Variants in SLC12A5 observed in about 807,000 individuals in gnomAD.
The protein encoded by SLC12A5 is solute carrier family 12 member 5.
Under a neutral mutation model 124.0 loss-of-function variants are expected in SLC12A5, and 18 were observed. That is an observed-to-expected ratio of 0.15 (90% CI 0.10 to 0.22). The LOEUF (loss-of-function observed/expected upper bound fraction) is 0.22. Among genes scored for constraint, SLC12A5 ranks in the 10% least tolerant of loss-of-function variants. SLC12A5 has a pLI of 1.00. For synonymous variants in SLC12A5, 589 were observed against 568.0 expected, an observed-to-expected ratio of 1.04 and a Z score of -0.53; for missense variants, 867 against 1,478.7, an observed-to-expected ratio of 0.59 and a Z score of 6.78.
intron 1 of SLC12A5, among the ~76,000 whole-genome samples, chr20:46,031,389 C>A (rs1329040684): frequency 1.3e-5 from 2 of 152,100 alleles, no homozygotes; most frequent in Admixed American, 6.5e-5. Flanking sequence ...GAGAAGTCCC[C>A]CCTCCTCCAA....
chr20:46,056,782 G>A lies in SLC12A5; in HGVS notation c.3111-115G>A. 3 of 1,269,828 alleles carry A rather than the reference G, an allele frequency of 2.4e-6. No individual in the cohort carries two copies. The highest frequency in any genetic ancestry group is 1.7e-5 in the Admixed American group (1 of 58,544). The allele number at this position is 1,269,828 out of a possible 1,614,324, so 78.7% of individuals were successfully genotyped here. On this transcript the variant is annotated intron_variant, in intron 23 of 25. Transcript: ENST00000243964. The surrounding 1 kb of genome is among the most constrained non-coding windows in gnomAD (Gnocchi z 4.3). ...GCAGCGGAAAGGTGAAGGGTGTGGG[G>A]GCTGGCAGAGCAGGACTCAGGGCAG...
intron 8 of SLC12A5, 105 bp downstream of exon 8, chr20:46,041,645 GC>G (rs2084548979): frequency 8.4e-7 from 1 of 1,197,284 alleles, no homozygotes; most frequent in African/African-American, 1.5e-5. Context: ...AATTCAATCA[GC>G]TTTAATTGAG....
chr20:46,023,296 A>C (rs1259716394), intron 2 of SLC12A5: 1 of 398,410 alleles, frequency 2.5e-6, no homozygotes, highest in Non-Finnish European at 4.4e-6. Context: ...TTCATGAATG[A>C]CCTTACCAGC....
At position 46,056,241 on chromosome 20, in the gene SLC12A5, C is replaced by G. The variant is rs775224780; in HGVS notation, c.2879C>G (p.Ala960Gly). The G allele has an allele frequency of 8.1e-6, 13 of 1,614,044 alleles. No individual in the cohort carries two copies. Among genetic ancestry groups the G allele is most frequent in the Middle Eastern group, 1.6e-4 (1 of 6,082 alleles). Residue 960 changes from alanine to glycine, a missense_variant, in exon 22 of 26, where the codon GCT becomes GGT. Physicochemically the swap from Ala to Gly is moderately conservative, Grantham distance 60. Coordinates refer to ENST00000243964, the MANE Select transcript of SLC12A5 (RefSeq NM_020708.5). This position sits in a 1 kb window ranked among gnomAD's most constrained non-coding sequence, Gnocchi z 4.3. Reference protein sequence around the residue: ...RLRLNVPEETAGDSEEKPEEE... With the variant: ...RLRLNVPEETGGDSEEKPEEE... ...CGCCTGAACGTCCCAGAAGAGACGGCTGGTGACAGTGAAGAGAAGCCAGAG... is the reference window on the plus strand; with the variant it reads ...CGCCTGAACGTCCCAGAAGAGACGGGTGGTGACAGTGAAGAGAAGCCAGAG...
chr20:46,022,975 GA>G lies in SLC12A5; in HGVS notation c.96del (p.Arg33GlufsTer45), dbSNP rs1212274007. On this transcript the variant is annotated frameshift_variant, in exon 2 of 3. Coordinates refer to the SLC12A5 transcript ENST00000413737. LOFTEE classifies it high-confidence loss of function. Reference sequence around the variant, plus strand: ...GGAGGAGGAGGAGGAGGAGGAGGAGGAAGAGGAGGAGGAGGAAGAGGAGGAG... The same window carrying G: ...GGAGGAGGAGGAGGAGGAGGAGGAGGAGAGGAGGAGGAGGAAGAGGAGGAG... The G allele has an allele frequency of 0.014, 5,071 of 364,080 alleles. 57 individuals carry two copies. The highest frequency in any genetic ancestry group is 0.082 in the Admixed American group (1,632 of 19,900). 22.6% of individuals were successfully genotyped at this position (364,080 alleles called of 1,614,324 possible). A position where few individuals can be genotyped will look rare whatever the true frequency, so the allele number is the denominator to read the frequency against.
chr20:46,035,673 T>C (rs752678522), intron 3 of SLC12A5, 104 bp from the exon 4 acceptor site: 85 of 1,500,370 alleles, frequency 5.7e-5, no homozygotes, highest in Non-Finnish European at 6.8e-5. Flanking sequence ...GGGTTGAGAA[T>C]AGAGAGAAGA....
intron 6 of SLC12A5, among the ~76,000 whole-genome samples, chr20:46,038,682 C>T (rs2084518965): frequency 6.6e-6 from 1 of 152,152 alleles, no homozygotes; most frequent in Admixed American, 6.5e-5. Flanking sequence ...ATGGTAGGTC[C>T]AGACTCACAA....
chr20:46,036,854 C>T, intron 5 of SLC12A5, 59 bp downstream of exon 5: 3 of 1,599,594 alleles, frequency 1.9e-6, no homozygotes, highest in Non-Finnish European at 2.6e-6. Flanking sequence ...GGGATAGTGC[C>T]CTGGGCTTTG....
intron 7 of SLC12A5, 65 bp downstream of exon 7, chr20:46,040,679 T>C: frequency 6.3e-7 from 1 of 1,581,122 alleles, no homozygotes. Context: ...TTTCAGAGTC[T>C]CTGCCAAACT....
chr20:46,031,647 C>G (rs796166466), intron 1 of SLC12A5, among the ~76,000 whole-genome samples: 7 of 152,338 alleles, frequency 4.6e-5, no homozygotes, highest in African/African-American at 1.7e-4. Flanking sequence ...CCTCTCGGAC[C>G]TGGCCTAGGG....
At position 46,045,810 on chromosome 20, in the gene SLC12A5, C is replaced by T. The variant is rs189325484; in HGVS notation, c.1570-68C>T. On this transcript the variant is annotated intron_variant, in intron 12 of 25. Transcript: ENST00000243964. This position sits in a 1 kb window ranked among gnomAD's most constrained non-coding sequence, Gnocchi z 4.9. ...ATTCCTGCCTCTACTCCACTGGTTC[C>T]CGAGGCTAGGGGAGAGGGCTGAGAA... 7 of 1,324,014 alleles carry T rather than the reference C, an allele frequency of 5.3e-6. No individual in the cohort carries two copies. The East Asian group carries it at 1.6e-4, about 31-fold the overall frequency. 82.0% of individuals were successfully genotyped at this position (1,324,014 alleles called of 1,614,324 possible).
intron 14 of SLC12A5, among the ~76,000 whole-genome samples, 175 bp downstream of exon 14, chr20:46,046,611 C>T (rs1464858602): frequency 6.6e-6 from 1 of 152,196 alleles, no homozygotes; most frequent in Non-Finnish European, 1.5e-5. Context: ...AGAGGGTCTC[C>T]TAACAATCAT....
In SLC12A5 at chr20:46,045,274, C is replaced by G; in HGVS notation, c.1569+134C>G. On this transcript the variant is annotated intron_variant, in intron 12 of 25. Coordinates refer to ENST00000243964, the MANE Select transcript of SLC12A5 (RefSeq NM_020708.5). The surrounding 1 kb of genome is among the most constrained non-coding windows in gnomAD (Gnocchi z 4.9). ...CCACTTCTGCTCTGTACTGCACTGGCCAGGCCTATCTGGCAGGGTCTGAGG... is the reference window on the plus strand; with the variant it reads ...CCACTTCTGCTCTGTACTGCACTGGGCAGGCCTATCTGGCAGGGTCTGAGG... The G allele has an allele frequency of 9.3e-7, 1 of 1,077,120 alleles. No individual in the cohort carries two copies. Among genetic ancestry groups the G allele is most frequent in the South Asian group, 1.8e-5 (1 of 56,690 alleles). 66.7% of individuals were successfully genotyped at this position (1,077,120 alleles called of 1,614,324 possible).
intron 9 of SLC12A5, 70 bp from the exon 10 acceptor site, chr20:46,043,563 G>A: frequency 6.7e-7 from 1 of 1,497,428 alleles, no homozygotes; most frequent in Non-Finnish European, 9.3e-7. Flanking sequence ...TGAGGGTGGT[G>A]CCCTTTTTTC....
At chr20:46,027,019 A>G (rs543798937), upstream of SLC12A5, among the ~76,000 whole-genome samples, 2 of 152,350 alleles carry the variant, frequency 1.3e-5, no homozygotes, top group East Asian at 3.9e-4. Context: ...CATCTCCTTC[A>G]TTCTACAGCA....
chr20:46,056,762 G>A lies in SLC12A5; in HGVS notation c.3111-135G>A, dbSNP rs746041755. On this transcript the variant is annotated intron_variant, in intron 23 of 25. Transcript: ENST00000243964. The surrounding 1 kb of genome is among the most constrained non-coding windows in gnomAD (Gnocchi z 4.3). ...CTCAGAATTCCCAGTTGCAGGCAGC[G>A]GAAAGGTGAAGGGTGTGGGGGCTGG... The A allele has an allele frequency of 5.1e-5, 60 of 1,182,266 alleles. No individual in the cohort carries two copies. The highest frequency in any genetic ancestry group is 2.1e-4 in the African/African-American group (14 of 66,096). The allele number at this position is 1,182,266 out of a possible 1,614,324, so 73.2% of individuals were successfully genotyped here.
rs374783489 is a variant in SLC12A5 at position 46,053,139 on chromosome 20, C to T, written c.2547+13C>T. 409 of 1,603,854 alleles carry T rather than the reference C, an allele frequency of 2.6e-4. No individual in the cohort carries two copies. The highest frequency in any genetic ancestry group is 3.1e-4 in the Non-Finnish European group (363 of 1,171,622). ...GCGGCACCACAAGGTGAGTTGTGTG[C>T]GTGAGTGTATGCACGTGTGAGTGTG... On this transcript the variant is annotated intron_variant, in intron 19 of 25. Coordinates refer to ENST00000243964, the MANE Select transcript of SLC12A5 (RefSeq NM_020708.5). This position sits in a 1 kb window ranked among gnomAD's most constrained non-coding sequence, Gnocchi z 4.7.
rs1432279521 is a variant in SLC12A5 at position 46,056,669 on chromosome 20, G to T, written c.3110+105G>T. ...AGGCATCCTGGTCTGTCAGCCTGCAGACCCAGCTCAGACATTGTCTTGGTT... is the reference window on the plus strand; with the variant it reads ...AGGCATCCTGGTCTGTCAGCCTGCATACCCAGCTCAGACATTGTCTTGGTT... On this transcript the variant is annotated intron_variant, in intron 23 of 25. Transcript: ENST00000243964. The surrounding 1 kb of genome is among the most constrained non-coding windows in gnomAD (Gnocchi z 4.3). 6.2e-6 allele frequency: 8 copies of T among 1,287,534 alleles called. 1 individual carries two copies. The Admixed American group carries it at 1.9e-4, about 30-fold the overall frequency. The allele number at this position is 1,287,534 out of a possible 1,614,324, so 79.8% of individuals were successfully genotyped here. A position where few individuals can be genotyped will look rare whatever the true frequency, so the allele number is the denominator to read the frequency against.
chr20:46,056,139 T>C lies in SLC12A5; in HGVS notation c.2788-11T>C, dbSNP rs2084689487. The C allele has an allele frequency of 6.2e-7, 1 of 1,613,796 alleles. No individual in the cohort carries two copies. Among genetic ancestry groups the C allele is most frequent in the South Asian group, 1.1e-5 (1 of 91,066 alleles). On this transcript the variant is annotated splice_polypyrimidine_tract_variant and intron_variant, in intron 21 of 25. Coordinates refer to ENST00000243964, the MANE Select transcript of SLC12A5 (RefSeq NM_020708.5). This position sits in a 1 kb window ranked among gnomAD's most constrained non-coding sequence, Gnocchi z 4.3. ...CCAGCAGAGCTGGCACCAACCTATGTCACTCCCTAGATCCAGAGTATCACA... is the reference window on the plus strand; with the variant it reads ...CCAGCAGAGCTGGCACCAACCTATGCCACTCCCTAGATCCAGAGTATCACA...
Sources: gnomAD v4.1 joint callset for allele counts (sites outside exome capture counted in the v4.1 genomes callset) on GRCh38, gnomAD v4.1.1 for gene constraint, Gnocchi (gnomAD v3.1) non-coding constraint, MANE v1.5 for transcripts, NCBI Gene and HGNC (gene_info 2026-07-23, HGNC 2026-07-21) for gene names.